Variants in TENM2 observed in about 807,000 individuals in gnomAD.
TENM2 encodes the protein teneurin transmembrane protein 2, also known as teneurin-2.
TENM2 carries 52 observed loss-of-function variants against 245.2 expected under a neutral mutation model. That is an observed-to-expected ratio of 0.21 (90% CI 0.17 to 0.27). The LOEUF (loss-of-function observed/expected upper bound fraction) is 0.27. Among genes scored for constraint, TENM2 ranks in the 10% least tolerant of loss-of-function variants. The pLI, the probability that TENM2 is intolerant of heterozygous loss-of-function variation, is 1.00. For synonymous variants in TENM2, 1,363 were observed against 1,438.9 expected (o/e 0.95, Z 1.19); for missense variants, 3,046 against 3,666.8 (o/e 0.83, Z 4.37).
intron 1 of TENM2, among the ~76,000 whole-genome samples, chr5:167,313,322 G>A (rs993434212): frequency 1.6e-4 from 25 of 152,110 alleles, no homozygotes; most frequent in African/African-American, 4.3e-4. Flanking sequence ...GGAAGAAAAC[G>A]AATTGTCTTG....
the TENM2 span, among the ~76,000 whole-genome samples, chr5:167,073,474 A>G: frequency 6.6e-6 from 1 of 152,170 alleles, no homozygotes; most frequent in Admixed American, 6.5e-5. Context: ...TCTGTGCAGA[A>G]AAGGATTTTC....
intron 3 of TENM2, among the ~76,000 whole-genome samples, chr5:167,930,546 C>A (rs1275578020): frequency 6.6e-6 from 1 of 152,106 alleles, no homozygotes; most frequent in African/African-American, 2.4e-5. Flanking sequence ...TTGACCATAG[C>A]TCACTGTAGC....
At chr5:168,065,748 G>A (rs1790441327) in intron 7 of TENM2, among the ~76,000 whole-genome samples, 2 of 150,898 alleles carry the variant, frequency 1.3e-5, no homozygotes, top group African/African-American at 4.9e-5. Context: ...ATAGAAAGCA[G>A]TCCCCTTTTG....
intron 2 of TENM2, among the ~76,000 whole-genome samples, chr5:167,610,526 G>A (rs547504102): frequency 6.6e-6 from 1 of 152,158 alleles, no homozygotes; most frequent in South Asian, 2.1e-4. Flanking sequence ...TCACTCCAGA[G>A]ATTCTAAAGG....
At chr5:166,982,772 C>CAT in the TENM2 span, among the ~76,000 whole-genome samples, 9 of 150,798 alleles carry the variant, frequency 6.0e-5, no homozygotes, top group East Asian at 5.8e-4. Context: ...CATTGCAAGA[C>CAT]ATATATATAT....
At chr5:167,418,417 A>G (rs1763293762) in intron 2 of TENM2, among the ~76,000 whole-genome samples, 1 of 152,118 alleles carries the variant, frequency 6.6e-6, no homozygotes, top group Admixed American at 6.5e-5. Flanking sequence ...GAAGGTGGAC[A>G]TTCAACTTAC....
At chr5:167,853,297 A>AAAAAAAAAAAAAAAAAAAAAAAG (rs1561856624) in intron 2 of TENM2, among the ~76,000 whole-genome samples, 5 of 141,586 alleles carry the variant, frequency 3.5e-5, no homozygotes, top group African/African-American at 1.3e-4. Flanking sequence ...CTCAAAAAAA[A>AAAAAAAAAAAAAAAAAAAAAAAG]AAAAAAAAAA....
chr5:166,997,613 G>A, the TENM2 span, among the ~76,000 whole-genome samples: 2 of 152,192 alleles, frequency 1.3e-5, no homozygotes, highest in Non-Finnish European at 2.9e-5. Flanking sequence ...GAATGTGGCA[G>A]AAAGAAGAAA....
rs55869331 is a variant in TENM2 at position 167,293,976 on chromosome 5, C to CTGTGTGTGTGTG, written c.226+8931_226+8942dup. Among the ~76,000 whole-genome samples, 342 of 148,738 alleles carry CTGTGTGTGTGTG rather than the reference C, an allele frequency of 2.3e-3. 3 individuals are homozygous for CTGTGTGTGTGTG. The highest frequency in any genetic ancestry group is 7.6e-3 in the African/African-American group (308 of 40,454). ...CAGAGACTCTAAGTAGATGTGAGTTCTGTGTGTGTGTGTGTGTGTGTGTGT... is the reference window on the plus strand; with the variant it reads ...CAGAGACTCTAAGTAGATGTGAGTTCTGTGTGTGTGTGTGTGTGTGTGTGTGTGTGTGTGTGT... On this transcript the variant is annotated intron_variant, in intron 1 of 28. Coordinates refer to ENST00000518659, the Ensembl canonical transcript of TENM2.
chr5:168,138,131 G>A (rs1562204807), intron 12 of TENM2, among the ~76,000 whole-genome samples: 1 of 152,094 alleles, frequency 6.6e-6, no homozygotes. Flanking sequence ...GGCAGTTTGG[G>A]GAATTATGTA....
intron 1 of TENM2, among the ~76,000 whole-genome samples, chr5:167,291,073 T>A (rs1754607546): frequency 2.6e-5 from 4 of 152,206 alleles, no homozygotes; most frequent in Admixed American, 2.6e-4. Flanking sequence ...TATCTTCATG[T>A]TTGCCCAACT....
the TENM2 span, among the ~76,000 whole-genome samples, chr5:167,093,740 C>A: frequency 6.6e-6 from 1 of 152,098 alleles, no homozygotes; most frequent in African/African-American, 2.4e-5. Context: ...ACTCCTTAGG[C>A]TTCCAGAACA....
chr5:168,085,011 C>A (rs936790451), intron 7 of TENM2, among the ~76,000 whole-genome samples: 2 of 152,200 alleles, frequency 1.3e-5, no homozygotes, highest in African/African-American at 4.8e-5. Flanking sequence ...GATGTGTCCC[C>A]CAAAATTGTT....
the TENM2 span, among the ~76,000 whole-genome samples, chr5:167,120,236 T>C: frequency 4.9e-4 from 75 of 152,142 alleles, 1 homozygote; most frequent in East Asian, 0.011. Flanking sequence ...AGTGATATGA[T>C]TGGAAAGGTA....
rs1451577935 is a variant in TENM2, at chr5:167,857,708, TA to T, written c.503-18277del. Among the ~76,000 whole-genome samples the T allele has an allele frequency of 3.3e-5, 5 of 152,334 alleles. No individual in the cohort carries two copies. In the East Asian group the frequency reaches 7.7e-4, roughly 23 times the overall value. On this transcript the variant is annotated intron_variant, in intron 2 of 28. Transcript: ENST00000518659. ...AATGTCATATGTGGGTTGGTTTTAT[TA>T]GGGGGGAGGGGAGCAGAGTAATTAT... is the stretch of plus-strand genomic sequence containing the variant.
At chr5:168,192,775 C>T (rs1362410484) in intron 14 of TENM2, among the ~76,000 whole-genome samples, 1 of 152,090 alleles carries the variant, frequency 6.6e-6, no homozygotes, top group Non-Finnish European at 1.5e-5. Flanking sequence ...GCTAGAGACC[C>T]GTGACTGGGC....
At chr5:168,030,168 T>TTTTTTTTTTTTTTTTTTC (rs1786999527) in intron 5 of TENM2, among the ~76,000 whole-genome samples, 11 of 84,624 alleles carry the variant, frequency 1.3e-4, no homozygotes, top group Non-Finnish European at 2.3e-4. Flanking sequence ...CTTTTTTTTT[T>TTTTTTTTTTTTTTTTTTC]TTTTTTTTTT....
At chr5:167,222,253 CA>C in the TENM2 span, among the ~76,000 whole-genome samples, 1 of 152,136 alleles carries the variant, frequency 6.6e-6, no homozygotes, top group East Asian at 1.9e-4. Context: ...TTCACATATG[CA>C]ATGGAGGATG....
chr5:167,420,788 A>G (rs1268181654), intron 2 of TENM2, among the ~76,000 whole-genome samples: 1 of 152,166 alleles, frequency 6.6e-6, no homozygotes, highest in Non-Finnish European at 1.5e-5. Context: ...TCTTCTTATT[A>G]TCACCCTGTC....
Sources: gnomAD v4.1 joint callset for allele counts (sites outside exome capture counted in the v4.1 genomes callset) on GRCh38, gnomAD v4.1.1 for gene constraint, MANE v1.5 for transcripts, NCBI Gene and HGNC (gene_info 2026-07-23, HGNC 2026-07-21) for gene names.